Variants in ENTREP2 observed in about 807,000 individuals in gnomAD.
The protein encoded by ENTREP2 is endosomal transmembrane epsin interactor 2.
the ENTREP2 span, among the ~76,000 whole-genome samples, chr15:29,669,134 A>C: frequency 3.3e-5 from 5 of 152,200 alleles, no homozygotes; most frequent in African/African-American, 7.2e-5. Flanking sequence ...TGAACCCGTG[A>C]GATGGAGAGG....
the ENTREP2 span, among the ~76,000 whole-genome samples, chr15:29,145,887 G>T: frequency 2.6e-5 from 4 of 152,102 alleles, no homozygotes; most frequent in Non-Finnish European, 5.9e-5. Context: ...CTATTTGCAG[G>T]TGACATGATT....
the ENTREP2 span, among the ~76,000 whole-genome samples, chr15:29,458,491 C>G: frequency 6.5e-3 from 989 of 152,212 alleles, 50 homozygotes; most frequent in East Asian, 0.12. Context: ...CCTGAGCCCA[C>G]CAAGCCCCCT....
chr15:29,296,565 T>C, the ENTREP2 span, among the ~76,000 whole-genome samples: 1 of 152,138 alleles, frequency 6.6e-6, no homozygotes, highest in African/African-American at 2.4e-5. Flanking sequence ...ACTCTGAAAC[T>C]CTACAGAAAA....
the ENTREP2 span, among the ~76,000 whole-genome samples, chr15:29,426,900 T>C: frequency 1.3e-5 from 2 of 152,150 alleles, no homozygotes; most frequent in Admixed American, 6.5e-5. Context: ...GGGCAGTGCA[T>C]TACATACAGA....
chr15:29,627,413 C>T, the ENTREP2 span, among the ~76,000 whole-genome samples: 1 of 151,936 alleles, frequency 6.6e-6, no homozygotes, highest in Non-Finnish European at 1.5e-5. Flanking sequence ...CATGGTGGTG[C>T]ATGCCTGTAG....
chr15:29,411,209 T>A, the ENTREP2 span, among the ~76,000 whole-genome samples: 2 of 152,240 alleles, frequency 1.3e-5, no homozygotes, highest in African/African-American at 4.8e-5. Flanking sequence ...GCAAGGTATA[T>A]GCTTATGAGT....
the ENTREP2 span, among the ~76,000 whole-genome samples, chr15:29,253,847 C>A: frequency 2.6e-5 from 4 of 152,100 alleles, no homozygotes; most frequent in South Asian, 4.2e-4. Flanking sequence ...GTCATTTTTT[C>A]TTTATGAATA....
At chr15:29,129,150 G>T in the ENTREP2 span, among the ~76,000 whole-genome samples, 3 of 152,028 alleles carry the variant, frequency 2.0e-5, no homozygotes, top group Admixed American at 2.0e-4. Flanking sequence ...TGCAACATCC[G>T]CTGCCCGGAT....
the ENTREP2 span, among the ~76,000 whole-genome samples, chr15:29,416,116 T>G: frequency 6.6e-6 from 1 of 152,158 alleles, no homozygotes; most frequent in Non-Finnish European, 1.5e-5. Context: ...AAGCTACCAA[T>G]GGCTTTCTTC....
At chr15:29,242,500 T>G in the ENTREP2 span, among the ~76,000 whole-genome samples, 39 of 152,236 alleles carry the variant, frequency 2.6e-4, no homozygotes, top group Non-Finnish European at 4.4e-4. Flanking sequence ...TTAAGGGGCA[T>G]TTGAAAATCA....
the ENTREP2 span, among the ~76,000 whole-genome samples, chr15:29,430,248 A>G: frequency 6.6e-6 from 1 of 152,110 alleles, no homozygotes; most frequent in Non-Finnish European, 1.5e-5. Flanking sequence ...CAAAGGCCAC[A>G]GGCTCAGAGA....
the ENTREP2 span, among the ~76,000 whole-genome samples, chr15:29,531,167 C>T: frequency 6.6e-6 from 1 of 152,210 alleles, no homozygotes; most frequent in Non-Finnish European, 1.5e-5. Context: ...CTTGATTTCT[C>T]CTGACTTTGC....
the ENTREP2 span, among the ~76,000 whole-genome samples, chr15:29,472,784 A>C: frequency 0.086 from 13,039 of 152,280 alleles, 637 homozygotes; most frequent in African/African-American, 0.13. Flanking sequence ...TTATATTATA[A>C]GTTATTTTAT....
At chr15:29,121,005 A>C in the ENTREP2 span, 1 of 152,480 alleles carries the variant, frequency 6.6e-6, no homozygotes, top group South Asian at 2.1e-4. Flanking sequence ...GGCCCTGAGC[A>C]GCGGGGCTGA....
chr15:29,174,331 C>G, the ENTREP2 span, among the ~76,000 whole-genome samples: 3 of 152,238 alleles, frequency 2.0e-5, no homozygotes, highest in South Asian at 4.2e-4. Context: ...GCAGGGAGAC[C>G]TCAATGACAT....
At chr15:29,196,906 T>C in the ENTREP2 span, among the ~76,000 whole-genome samples, 4 of 152,226 alleles carry the variant, frequency 2.6e-5, no homozygotes, top group African/African-American at 9.6e-5. Context: ...CTATCCTAGC[T>C]CTGTGCCTTG....
the ENTREP2 span, among the ~76,000 whole-genome samples, chr15:29,532,318 A>C: frequency 1.3e-5 from 2 of 152,238 alleles, no homozygotes; most frequent in Non-Finnish European, 2.9e-5. Flanking sequence ...TTCTGCATTA[A>C]AATCTGATTA....
At chr15:29,239,173 C>T in the ENTREP2 span, among the ~76,000 whole-genome samples, 6 of 152,062 alleles carry the variant, frequency 3.9e-5, no homozygotes, top group African/African-American at 1.2e-4. Context: ...CTCAGGTAGA[C>T]GTGGAAATAA....
the ENTREP2 span, among the ~76,000 whole-genome samples, chr15:29,555,955 C>T: frequency 6.6e-6 from 1 of 152,160 alleles, no homozygotes; most frequent in Non-Finnish European, 1.5e-5. Context: ...AGCTTCTTCC[C>T]GAAGAAGGGG....
Sources: gnomAD v4.1 joint callset for allele counts (sites outside exome capture counted in the v4.1 genomes callset) on GRCh38, gnomAD v4.1.1 for gene constraint, MANE v1.5 for transcripts, NCBI Gene and HGNC (gene_info 2026-07-23, HGNC 2026-07-21) for gene names.